Variants in EIF4G3 observed in about 807,000 individuals in gnomAD.
EIF4G3 encodes the protein eIF-4-gamma 3.
A neutral mutation model predicts 186.4 loss-of-function variants in EIF4G3; 34 were observed. The observed-to-expected ratio is 0.18, with a 90% CI of 0.14 to 0.24. The LOEUF (loss-of-function observed/expected upper bound fraction) is 0.24, where lower values mean the gene tolerates loss of function less well. Among genes scored for constraint, EIF4G3 ranks in the 10% least tolerant of loss-of-function variants. EIF4G3 has a pLI of 1.00. For synonymous variants in EIF4G3, 673 were observed against 679.5 expected (o/e 0.99, Z 0.15); for missense variants, 1,536 against 1,948.5 (o/e 0.79, Z 3.99).
chr1:20,843,441 C>T (rs967204321), intron 29 of EIF4G3, among the ~76,000 whole-genome samples: 4 of 151,826 alleles, frequency 2.6e-5, no homozygotes, highest in Non-Finnish European at 4.4e-5. Flanking sequence ...CGCTTGAACC[C>T]GGGAGGCGGA....
At chr1:20,882,131 C>G (rs1329154792) in intron 19 of EIF4G3, among the ~76,000 whole-genome samples, 2 of 151,154 alleles carry the variant, frequency 1.3e-5, no homozygotes, top group African/African-American at 4.9e-5. Context: ...CCTCTGCACT[C>G]CAGCATGGGT....
intron 2 of EIF4G3, among the ~76,000 whole-genome samples, chr1:21,118,398 T>C (rs2096865813): frequency 6.6e-6 from 1 of 152,314 alleles, no homozygotes; most frequent in Middle Eastern, 3.4e-3. Context: ...TAACCCACTG[T>C]GTAATTATCT....
intron 7 of EIF4G3, among the ~76,000 whole-genome samples, chr1:20,985,955 T>C (rs1227304753): frequency 6.6e-6 from 1 of 152,186 alleles, no homozygotes; most frequent in Admixed American, 6.5e-5. Context: ...CTCGTGTCCA[T>C]CCCTAAAACC....
chr1:20,859,514 A>G (rs1278346027), intron 24 of EIF4G3, among the ~76,000 whole-genome samples: 2 of 152,222 alleles, frequency 1.3e-5, no homozygotes, highest in Non-Finnish European at 2.9e-5. Context: ...TTCTTTTCCA[A>G]CGTTCCTAAA....
chr1:20,858,982 C>T (rs1025648851), intron 24 of EIF4G3, among the ~76,000 whole-genome samples: 7 of 151,986 alleles, frequency 4.6e-5, no homozygotes, highest in African/African-American at 7.3e-5. Context: ...GGCGACAGAG[C>T]GAGACTCATC....
chr1:20,834,332 T>C (rs1461796543), intron 30 of EIF4G3, among the ~76,000 whole-genome samples: 1 of 151,900 alleles, frequency 6.6e-6, no homozygotes, highest in African/African-American at 2.4e-5. Context: ...ATGGCTGTGG[T>C]CCCAACTACC....
intron 4 of EIF4G3, among the ~76,000 whole-genome samples, chr1:21,038,683 A>G (rs2093382300): frequency 6.6e-6 from 1 of 152,146 alleles, no homozygotes; most frequent in Non-Finnish European, 1.5e-5. Context: ...TTTCTCTTAG[A>G]ACTAGGACTT....
intron 7 of EIF4G3, among the ~76,000 whole-genome samples, chr1:20,989,333 A>G (rs1570480345): frequency 6.6e-6 from 1 of 151,144 alleles, no homozygotes; most frequent in Admixed American, 6.6e-5. Flanking sequence ...AGGCGGGTGG[A>G]TCACCTGAGG....
intron 4 of EIF4G3, among the ~76,000 whole-genome samples, chr1:21,031,313 G>C (rs17418007): frequency 0.028 from 4,133 of 146,610 alleles, 86 homozygotes; most frequent in Non-Finnish European, 0.038. Context: ...AAACAGAAAA[G>C]TAAATTATGA....
At chr1:21,137,127 G>C (rs2102597187) in intron 2 of EIF4G3, among the ~76,000 whole-genome samples, 1 of 145,354 alleles carries the variant, frequency 6.9e-6, no homozygotes, top group South Asian at 2.2e-4. Flanking sequence ...ATATTACTTT[G>C]CTTTTGTTTG....
chr1:20,816,255 A>T (rs1377786879), intron 34 of EIF4G3, among the ~76,000 whole-genome samples: 1 of 21,022 alleles, frequency 4.8e-5, no homozygotes, highest in East Asian at 2.2e-3. Context: ...CTGGCCAGCC[A>T]CCCCATCCGG....
At chr1:21,028,881 TTAA>T (rs575042665) in intron 4 of EIF4G3, among the ~76,000 whole-genome samples, 137 of 152,368 alleles carry the variant, frequency 9.0e-4, no homozygotes, top group African/African-American at 3.1e-3. Flanking sequence ...ACCAGCTGTA[TTAA>T]TAAATCATTA....
chr1:21,076,801 T>G (rs917192162), intron 3 of EIF4G3, among the ~76,000 whole-genome samples: 2 of 152,124 alleles, frequency 1.3e-5, no homozygotes, highest in African/African-American at 4.8e-5. Context: ...CAAAATGGAC[T>G]AAATATTTAA....
chr1:21,141,588 A>G (rs994529783), intron 2 of EIF4G3, among the ~76,000 whole-genome samples: 2 of 152,074 alleles, frequency 1.3e-5, no homozygotes, highest in African/African-American at 4.8e-5. Context: ...AACAGATCCA[A>G]CCCTGTAGGA....
chr1:21,010,419 C>CA (rs11318361), intron 4 of EIF4G3, among the ~76,000 whole-genome samples: 6,642 of 100,728 alleles, frequency 0.066, 424 homozygotes, highest in African/African-American at 0.17. Context: ...GACTCTGTCT[C>CA]AAAAAAAAAA....
chr1:20,952,919 G>A (rs2096279172), intron 12 of EIF4G3, among the ~76,000 whole-genome samples: 1 of 151,824 alleles, frequency 6.6e-6, no homozygotes, highest in African/African-American at 2.4e-5. Context: ...TCTTCCCAAA[G>A]AAAAAATAAT....
intron 4 of EIF4G3, among the ~76,000 whole-genome samples, chr1:21,048,320 T>C (rs1322070678): frequency 6.6e-6 from 1 of 152,178 alleles, no homozygotes; most frequent in East Asian, 1.9e-4. Context: ...TTGTCTTTCA[T>C]ATCAAAATTC....
chr1:20,977,473 C>A (rs907967031), intron 10 of EIF4G3, among the ~76,000 whole-genome samples: 1 of 152,186 alleles, frequency 6.6e-6, no homozygotes, highest in African/African-American at 2.4e-5. Flanking sequence ...AGGCATGAGC[C>A]ACCACACCCG....
chr1:20,898,548 T>C (rs933319959), intron 16 of EIF4G3, among the ~76,000 whole-genome samples: 1 of 152,172 alleles, frequency 6.6e-6, no homozygotes, highest in Non-Finnish European at 1.5e-5. Context: ...TATTATCCTT[T>C]TTTAAAATGT....
Sources: allele counts gnomAD v4.1 joint callset (sites outside exome capture counted in the v4.1 genomes callset), GRCh38; gene constraint gnomAD v4.1.1; transcripts MANE v1.5; gene names NCBI Gene and HGNC (gene_info 2026-07-23, HGNC 2026-07-21).